The following PLXNA4 variants were observed in gnomAD, a reference collection of about 807,000 sequenced individuals.
PLXNA4 encodes plexin A4, also known as plexin-A4.
Under a neutral mutation model 191.8 loss-of-function variants are expected in PLXNA4, and 44 were observed. The ratio of observed to expected loss-of-function variants is 0.23; its 90% confidence interval spans 0.18 to 0.29. PLXNA4 has a LOEUF of 0.29. PLXNA4 is among the 10% of genes least tolerant of loss of function. The probability of loss-of-function intolerance (pLI) is 1.00; values close to 1 mark genes in which losing one functional copy is unlikely to be tolerated. For synonymous variants in PLXNA4, 1,082 were observed against 1,009.5 expected (o/e 1.07, Z -1.36); for missense variants, 1,800 against 2,488.8 (o/e 0.72, Z 5.89).
At chr7:132,482,638 C>T (rs1217290213) in intron 3 of PLXNA4, among the ~76,000 whole-genome samples, 3 of 151,952 alleles carry the variant, frequency 2.0e-5, no homozygotes, top group African/African-American at 7.3e-5. Context: ...AACTAATACA[C>T]CTGTGTCTCC....
At chr7:132,587,090 A>C (rs1802518239) in intron 2 of PLXNA4, among the ~76,000 whole-genome samples, 1 of 152,230 alleles carries the variant, frequency 6.6e-6, no homozygotes. Flanking sequence ...CTATACGTGC[A>C]TTATTGTGTA....
At position 132,236,660 on chromosome 7, in the gene PLXNA4, C is replaced by A. The variant is rs1584883335; in HGVS notation, c.1604+4406G>T. On this transcript the variant is annotated intron_variant, in intron 5 of 31. Transcript: ENST00000321063. Reference sequence around the variant, plus strand: ...TCATATCACTGAGCCTGGCACACTGCTGGGCACGAAGGGAGAAGGGCAGGT... The same window carrying A: ...TCATATCACTGAGCCTGGCACACTGATGGGCACGAAGGGAGAAGGGCAGGT... Among the ~76,000 whole-genome samples, 3 of 152,282 alleles carry A rather than the reference C, an allele frequency of 2.0e-5. No homozygotes were observed. In the South Asian group the frequency reaches 6.2e-4, roughly 32 times the overall value.
chr7:132,459,396 G>C (rs1796420063), intron 3 of PLXNA4, among the ~76,000 whole-genome samples: 3 of 152,248 alleles, frequency 2.0e-5, no homozygotes, highest in African/African-American at 7.2e-5. Context: ...ATCATAATCT[G>C]TCATTCAAGA....
At chr7:132,424,735 C>G (rs533324040) in intron 3 of PLXNA4, among the ~76,000 whole-genome samples, 133 of 152,356 alleles carry the variant, frequency 8.7e-4, no homozygotes, top group Non-Finnish European at 1.7e-3. Flanking sequence ...TTACCCAGAT[C>G]TGATGGTTAC....
intron 3 of PLXNA4, among the ~76,000 whole-genome samples, chr7:132,433,269 T>C (rs548940280): frequency 6.6e-6 from 1 of 152,314 alleles, no homozygotes; most frequent in Non-Finnish European, 1.5e-5. Context: ...CAGCCACTGG[T>C]TTGATGTCAC....
intron 2 of PLXNA4, among the ~76,000 whole-genome samples, chr7:132,500,107 T>C (rs538472927): frequency 6.6e-6 from 1 of 152,264 alleles, no homozygotes; most frequent in Admixed American, 6.5e-5. Flanking sequence ...CATGTGAAGG[T>C]AACAGCAGCA....
At chr7:132,231,650 C>T (rs1278285344) in intron 5 of PLXNA4, among the ~76,000 whole-genome samples, 1 of 152,208 alleles carries the variant, frequency 6.6e-6, no homozygotes, top group African/African-American at 2.4e-5. Context: ...GTCTCAAACT[C>T]CTAAGCTAAA....
At chr7:132,261,459 C>T (rs10228479) in intron 4 of PLXNA4, among the ~76,000 whole-genome samples, 29 of 152,332 alleles carry the variant, frequency 1.9e-4, no homozygotes, top group African/African-American at 6.3e-4. Context: ...CCCATCTGTG[C>T]GTGAAAATGC....
At chr7:132,138,153 G>A (rs1370489076) in intron 30 of PLXNA4, among the ~76,000 whole-genome samples, 1 of 152,132 alleles carries the variant, frequency 6.6e-6, no homozygotes, top group East Asian at 1.9e-4. Context: ...CTGAAGAGAG[G>A]ACCAGCCAGG....
At chr7:132,532,410 G>C (rs115329932) in intron 1 of PLXNA4, among the ~76,000 whole-genome samples, 1 of 152,252 alleles carries the variant, frequency 6.6e-6, no homozygotes, top group African/African-American at 2.4e-5. Flanking sequence ...GTACAAATGC[G>C]TTGATGCAGT....
intron 3 of PLXNA4, among the ~76,000 whole-genome samples, chr7:132,353,874 G>A (rs547902456): frequency 6.6e-6 from 1 of 152,248 alleles, no homozygotes; most frequent in East Asian, 1.9e-4. Flanking sequence ...TCATAGCCTG[G>A]CAATAATGAA....
chr7:132,480,660 T>A (rs1286192035), intron 3 of PLXNA4, among the ~76,000 whole-genome samples: 1 of 152,014 alleles, frequency 6.6e-6, no homozygotes, highest in Non-Finnish European at 1.5e-5. Context: ...AAGACAAAGA[T>A]GGGCCCAGTC....
chr7:132,412,634 T>C lies in PLXNA4; in HGVS notation c.1371+76658A>G, dbSNP rs117833581. On this transcript the variant is annotated intron_variant, in intron 3 of 31. Coordinates refer to ENST00000321063, the MANE Select transcript of PLXNA4 (RefSeq NM_020911.2). ...TTATGAGGCAGTGATAAGGATCAGG[T>C]GACATGTTGAGGTTTGGCACAGATG... Among the ~76,000 whole-genome samples, 944 of 152,276 alleles carry C rather than the reference T, an allele frequency of 6.2e-3. 3 individuals are homozygous for C. The highest frequency in any genetic ancestry group is 9.2e-3 in the Non-Finnish European group (628 of 68,024).
At chr7:132,545,273 A>G (rs781525880) in intron 1 of PLXNA4, among the ~76,000 whole-genome samples, 10 of 152,176 alleles carry the variant, frequency 6.6e-5, no homozygotes, top group Non-Finnish European at 1.5e-4. Context: ...TCCCAGTGGA[A>G]GTCAAGATGT....
At chr7:132,287,777 C>A (rs1800738112) in intron 4 of PLXNA4, among the ~76,000 whole-genome samples, 1 of 152,280 alleles carries the variant, frequency 6.6e-6, no homozygotes, top group South Asian at 2.1e-4. Context: ...GAGGCTGGTG[C>A]CACCCAGGGC....
intron 3 of PLXNA4, among the ~76,000 whole-genome samples, chr7:132,336,350 A>G (rs922650798): frequency 6.6e-6 from 1 of 152,138 alleles, no homozygotes; most frequent in Non-Finnish European, 1.5e-5. Context: ...GGCAACACAC[A>G]TCTTTGTCCT....
intron 30 of PLXNA4, among the ~76,000 whole-genome samples, chr7:132,138,878 A>G (rs1167024096): frequency 6.6e-6 from 1 of 152,128 alleles, no homozygotes; most frequent in Non-Finnish European, 1.5e-5. Context: ...ACACTTTATA[A>G]ATGTTCCCAG....
chr7:132,379,953 G>A (rs1448978885), intron 3 of PLXNA4, among the ~76,000 whole-genome samples: 2 of 152,144 alleles, frequency 1.3e-5, no homozygotes, highest in Non-Finnish European at 2.9e-5. Flanking sequence ...GGCTTCATAT[G>A]TTCTTGGACT....
chr7:132,260,608 T>G (rs956684780), intron 4 of PLXNA4, among the ~76,000 whole-genome samples: 1 of 151,846 alleles, frequency 6.6e-6, no homozygotes, highest in South Asian at 2.1e-4. Context: ...TACACCAAAC[T>G]TCAGCGACAC....
Sources: allele counts gnomAD v4.1 joint callset (sites outside exome capture counted in the v4.1 genomes callset), GRCh38; gene constraint gnomAD v4.1.1; transcripts MANE v1.5; gene names NCBI Gene and HGNC (gene_info 2026-07-23, HGNC 2026-07-21).